ROBO2: variants seen among roughly 807,000 people sequenced by gnomAD.
ROBO2 encodes the protein roundabout guidance receptor 2, also known as roundabout homolog 2.
A neutral mutation model predicts 160.8 loss-of-function variants in ROBO2; 53 were observed. The ratio of observed to expected loss-of-function variants is 0.33; its 90% CI spans 0.26 to 0.41. The LOEUF (loss-of-function observed/expected upper bound fraction) is 0.41. ROBO2 is among the 10% of genes least tolerant of loss of function. The probability of loss-of-function intolerance (pLI) is 1.00; values close to 1 mark genes in which losing one functional copy is unlikely to be tolerated. For synonymous variants in ROBO2, 664 were observed against 611.7 expected, an observed-to-expected ratio of 1.09 and a Z score of -1.26; for missense variants, 1,577 against 1,722.4, an observed-to-expected ratio of 0.92 and a Z score of 1.49.
At chr3:75,995,833 C>G (rs1252338293) in intron 2 of ROBO2, among the ~76,000 whole-genome samples, 1 of 152,158 alleles carries the variant, frequency 6.6e-6, no homozygotes, top group Non-Finnish European at 1.5e-5. Context: ...GGAGGTGAGA[C>G]TTGGAGTTGA....
At chr3:76,377,205 A>G (rs2076390973) in intron 2 of ROBO2, among the ~76,000 whole-genome samples, 1 of 152,156 alleles carries the variant, frequency 6.6e-6, no homozygotes, top group South Asian at 2.1e-4. Context: ...AAATAGTCAT[A>G]AAATAACTCA....
intron 2 of ROBO2, among the ~76,000 whole-genome samples, chr3:76,441,176 G>T (rs578243185): frequency 2.0e-5 from 3 of 152,064 alleles, no homozygotes; most frequent in Non-Finnish European, 4.4e-5. Context: ...TCACAAAGCT[G>T]GTGCTTGGCT....
chr3:76,176,471 AAGGG>A (rs2073235749), intron 2 of ROBO2, among the ~76,000 whole-genome samples: 1 of 152,170 alleles, frequency 6.6e-6, no homozygotes, highest in African/African-American at 2.4e-5. Context: ...TTCTACACTA[AAGGG>A]AGCCAGGAAG....
chr3:76,260,786 C>A (rs1470757260), intron 2 of ROBO2, among the ~76,000 whole-genome samples: 2 of 152,104 alleles, frequency 1.3e-5, no homozygotes, highest in Admixed American at 6.6e-5. Flanking sequence ...CCATCACACA[C>A]AATTTGCATT....
At chr3:76,947,570 A>G (rs1466933449) in intron 2 of ROBO2, among the ~76,000 whole-genome samples, 1 of 152,158 alleles carries the variant, frequency 6.6e-6, no homozygotes, top group Non-Finnish European at 1.5e-5. Flanking sequence ...TTTCTTAGTT[A>G]ACAATTTCAA....
chr3:76,763,076 GT>G (rs2061392879), intron 2 of ROBO2, among the ~76,000 whole-genome samples: 1 of 151,636 alleles, frequency 6.6e-6, no homozygotes, highest in African/African-American at 2.4e-5. Context: ...CTTAGTCTTT[GT>G]TAAACAAAGG....
intron 2 of ROBO2, among the ~76,000 whole-genome samples, chr3:76,598,832 C>T (rs1173697306): frequency 1.3e-5 from 2 of 152,072 alleles, no homozygotes; most frequent in Non-Finnish European, 2.9e-5. Context: ...GATTAATTTT[C>T]AATTCTTCAA....
At position 76,542,108 on chromosome 3, in the gene ROBO2, A is replaced by T. The variant is rs531502291; in HGVS notation, c.110-555906A>T. 1.2e-4 allele frequency among the ~76,000 whole-genome samples: 18 copies of T among 151,938 alleles called. No individual in the cohort carries two copies. In the South Asian group the frequency reaches 3.7e-3, roughly 32 times the overall value. On this transcript the variant is annotated intron_variant, in intron 2 of 26. Coordinates refer to the ROBO2 transcript ENST00000487694. ...AGTGATCATTTTTTTTCTCTCTTGT[A>T]GTTTAGACTCTTTTCCTCTACCCTC...
chr3:77,541,133 A>G (rs2092442939), intron 6 of ROBO2, among the ~76,000 whole-genome samples: 1 of 152,248 alleles, frequency 6.6e-6, no homozygotes, highest in Admixed American at 6.5e-5. Context: ...TATCCAAAGA[A>G]AAAGAGTGGC....
chr3:76,664,978 G>A (rs146627834), intron 2 of ROBO2, among the ~76,000 whole-genome samples: 4 of 152,284 alleles, frequency 2.6e-5, no homozygotes, highest in African/African-American at 7.2e-5. Context: ...GATGAATTGC[G>A]TGAGGGCCAG....
chr3:77,405,989 A>C (rs969761166), intron 2 of ROBO2, among the ~76,000 whole-genome samples: 1 of 152,198 alleles, frequency 6.6e-6, no homozygotes, highest in Non-Finnish European at 1.5e-5. Context: ...TATAGTCTCC[A>C]CAGAGCCATA....
intron 5 of ROBO2, among the ~76,000 whole-genome samples, chr3:77,513,534 T>C (rs964514370): frequency 2.0e-5 from 3 of 151,888 alleles, no homozygotes; most frequent in Non-Finnish European, 4.4e-5. Context: ...TAAAACATAC[T>C]TAATATTTCT....
intron 2 of ROBO2, among the ~76,000 whole-genome samples, chr3:77,401,080 T>C (rs1239659206): frequency 2.0e-5 from 3 of 152,072 alleles, no homozygotes; most frequent in Non-Finnish European, 4.4e-5. Flanking sequence ...GCCATGAACA[T>C]AGAGGATACA....
chr3:75,941,158 G>A (rs553877628), intron 2 of ROBO2, among the ~76,000 whole-genome samples: 2 of 152,110 alleles, frequency 1.3e-5, no homozygotes, highest in South Asian at 2.1e-4. Context: ...GTCTTGCTAT[G>A]TTGCCCAGGC....
At position 77,240,253 on chromosome 3, in the gene ROBO2, G is replaced by A. The variant is rs367882064; in HGVS notation, c.388+141913G>A. ...CCCCGCAGGGAGGCAGCTGAGACCC[G>A]GCAAGAATTCGAGTGTGGCGCGGGT... On this transcript the variant is annotated intron_variant, in intron 2 of 25. Transcript: ENST00000461745. Among the ~76,000 whole-genome samples, 110 of 152,262 alleles carry A rather than the reference G, an allele frequency of 7.2e-4. 1 individual carries two copies. Among genetic ancestry groups the A allele is most frequent in the African/African-American group, 2.5e-3 (102 of 41,566 alleles).
chr3:76,310,172 T>G (rs934780172), intron 2 of ROBO2, among the ~76,000 whole-genome samples: 2 of 152,174 alleles, frequency 1.3e-5, no homozygotes, highest in African/African-American at 4.8e-5. Flanking sequence ...GTCATCTTCA[T>G]CCAGGGGCAC....
At chr3:76,394,982 G>A (rs2077355382) in intron 2 of ROBO2, among the ~76,000 whole-genome samples, 1 of 151,960 alleles carries the variant, frequency 6.6e-6, no homozygotes, top group Non-Finnish European at 1.5e-5. Context: ...AGACCTAATA[G>A]ACATCTACAG....
At chr3:76,133,739 G>C (rs1040567901) in intron 2 of ROBO2, among the ~76,000 whole-genome samples, 1 of 152,112 alleles carries the variant, frequency 6.6e-6, no homozygotes, top group Non-Finnish European at 1.5e-5. Context: ...GAAAGATGGA[G>C]GTCAGAAGGC....
intron 2 of ROBO2, among the ~76,000 whole-genome samples, chr3:77,332,654 A>T (rs550924661): frequency 1.2e-4 from 19 of 152,236 alleles, no homozygotes; most frequent in Non-Finnish European, 2.2e-4. Flanking sequence ...TATATTTAGT[A>T]CATAAAAGTT....
Sources: allele counts gnomAD v4.1 joint callset (sites outside exome capture counted in the v4.1 genomes callset), GRCh38; gene constraint gnomAD v4.1.1; transcripts MANE v1.5; gene names NCBI Gene and HGNC (gene_info 2026-07-23, HGNC 2026-07-21).